The following JCAD variants were observed in gnomAD, a reference collection of about 807,000 sequenced individuals.
JCAD encodes the protein junctional cadherin 5-associated protein.
Under a neutral mutation model 98.0 loss-of-function variants are expected in JCAD, and 40 were observed. That is an observed-to-expected ratio of 0.41 (90% CI 0.32 to 0.53). The LOEUF is 0.53. Ranked by LOEUF, JCAD falls within the 20% of genes least tolerant of loss-of-function variation. The pLI is 0.31. For synonymous variants in JCAD, 691 were observed against 682.3 expected (o/e 1.01, Z -0.20); for missense variants, 1,705 against 1,738.1 (o/e 0.98, Z 0.34).
At chr10:30,046,074 G>A (rs1188667418) in intron 2 of JCAD, among the ~76,000 whole-genome samples, 2 of 152,158 alleles carry the variant, frequency 1.3e-5, no homozygotes, top group East Asian at 3.8e-4. Flanking sequence ...CTTAAAGAAA[G>A]GTCCCTGATT....
In JCAD at chr10:30,026,579, TCAGGGA is replaced by T; in HGVS notation, c.3563_3568del (p.Val1188_Pro1189del). The T allele has an allele frequency of 6.2e-7, 1 of 1,614,138 alleles. No homozygotes were observed. Among genetic ancestry groups the T allele is most frequent in the Non-Finnish European group, 8.5e-7 (1 of 1,180,026 alleles). ...GGACTCCAAGGGGCTGGGCTCAGGC[TCAGGGA>T]CAGGGTCTGTGCTGGTGACAACCCC... On this transcript the variant is annotated inframe_deletion, in exon 3 of 4. Transcript: ENST00000375377.
Position 30,027,315 on chromosome 10 carries a change from A to G in JCAD, c.2833T>C (p.Phe945Leu), listed in dbSNP as rs1388377048. 1 of 1,613,872 alleles carries G rather than the reference A, an allele frequency of 6.2e-7. No individual in the cohort carries two copies. Among genetic ancestry groups the G allele is most frequent in the Admixed American group, 1.7e-5 (1 of 60,028 alleles). ...FRVEEGGGAP[F>L]CSADGSTSAE... The stretch of plus-strand genomic sequence containing the variant: ...CTCGTGCTTCCATCTGCTGAGCAGA[A>G]AGGTGCACCGCCACCTTCTTCCACG... The change falls in exon 3 of 4, where the codon TTC (phenylalanine) becomes CTC (leucine). Residue 945 changes from phenylalanine to leucine, a missense_variant. Physicochemically the swap from Phe to Leu is conservative, Grantham distance 22. Transcript: ENST00000375377.
intron 2 of JCAD, among the ~76,000 whole-genome samples, chr10:30,045,722 G>A (rs745367863): frequency 6.6e-6 from 1 of 152,176 alleles, no homozygotes; most frequent in African/African-American, 2.4e-5. Context: ...GAGTTCTGAA[G>A]CACAAGGTGA....
chr10:30,030,439 A>G (rs1483073158), intron 2 of JCAD, among the ~76,000 whole-genome samples: 1 of 152,122 alleles, frequency 6.6e-6, no homozygotes, highest in East Asian at 1.9e-4. Flanking sequence ...ACCCTGCCTC[A>G]TAAGGAAAAA....
At chr10:30,093,806 C>T (rs941806109) in intron 1 of JCAD, among the ~76,000 whole-genome samples, 1 of 152,128 alleles carries the variant, frequency 6.6e-6, no homozygotes, top group Admixed American at 6.6e-5. Context: ...GAGTCTAGCT[C>T]AGAGATTCAG....
chr10:30,047,945 GT>G, intron 1 of JCAD, 74 bp from the exon 2 acceptor site: 1 of 887,886 alleles, frequency 1.1e-6, no homozygotes, highest in Non-Finnish European at 1.7e-6. Context: ...TCCTCCCGTG[GT>G]CCCCCCACCA....
At chr10:30,049,188 G>A (rs147299855) in intron 1 of JCAD, among the ~76,000 whole-genome samples, 166 of 152,280 alleles carry the variant, frequency 1.1e-3, no homozygotes, top group Middle Eastern at 3.4e-3. Flanking sequence ...CTGCTTCTAC[G>A]GGGGCTGATG....
chr10:30,029,681 A>C lies in JCAD; in HGVS notation c.467T>G (p.Val156Gly), dbSNP rs368913834. The stretch of plus-strand genomic sequence containing the variant: ...CATCACATGCTCTGACCTTCCTCCA[A>C]CTTCCCATGGACCCTCCCTCACGTG... ...PVHVREGPWE[V>G]GGRSEHVMKK... is the part of the protein sequence containing the mutation. The change falls in exon 3 of 4, where the codon GTT (valine) becomes GGT (glycine). Residue 156 changes from valine to glycine, a missense_variant. By Grantham distance (109) the Val-to-Gly change is moderately radical. Coordinates refer to ENST00000375377, the MANE Select transcript of JCAD (RefSeq NM_020848.4). The C allele has an allele frequency of 1.9e-6, 3 of 1,613,810 alleles. No homozygotes were observed. Among genetic ancestry groups the C allele is most frequent in the East Asian group, 4.5e-5 (2 of 44,856 alleles).
rs149940300 is a variant in JCAD, at chr10:30,018,756, A to AT, written c.4046-840dup. Among the ~76,000 whole-genome samples the AT allele has an allele frequency of 4.3e-3, 662 of 152,190 alleles. 5 individuals carry two copies. Among genetic ancestry groups the AT allele is most frequent in the Non-Finnish European group, 6.8e-3 (462 of 67,994 alleles). The stretch of plus-strand genomic sequence containing the variant: ...TCACACGTGCGCCTCCTGTGGTAAG[A>AT]TTTTCCTGCCATAGCAGCTCAAAGG... On this transcript the variant is annotated intron_variant, in intron 3 of 3. Coordinates refer to ENST00000375377, the MANE Select transcript of JCAD (RefSeq NM_020848.4).
intron 2 of JCAD, among the ~76,000 whole-genome samples, chr10:30,040,570 C>T (rs1443710201): frequency 2.6e-5 from 4 of 152,148 alleles, no homozygotes; most frequent in Non-Finnish European, 4.4e-5. Flanking sequence ...ATGGAGTATT[C>T]GCGGTGCCTC....
chr10:30,093,037 A>C (rs1285407374), intron 1 of JCAD, among the ~76,000 whole-genome samples: 2 of 152,202 alleles, frequency 1.3e-5, no homozygotes. Flanking sequence ...TTTGGGATAA[A>C]TTTTAAAATA....
intron 1 of JCAD, among the ~76,000 whole-genome samples, chr10:30,106,296 T>A (rs750794441): frequency 7.9e-5 from 12 of 151,942 alleles, no homozygotes; most frequent in Non-Finnish European, 1.3e-4. Flanking sequence ...CTGGGCATGA[T>A]GGTGTGTGCC....
chr10:30,075,032 C>A (rs571954251), intron 1 of JCAD, among the ~76,000 whole-genome samples: 99 of 152,312 alleles, frequency 6.5e-4, no homozygotes, highest in African/African-American at 2.2e-3. Context: ...CTCAAGTGAT[C>A]CCCTGTCTCA....
At chr10:30,022,940 CAACTTCCAG>C (rs1836696242) in intron 3 of JCAD, among the ~76,000 whole-genome samples, 1 of 152,164 alleles carries the variant, frequency 6.6e-6, no homozygotes. Context: ...TTGCCCAGAG[CAACTTCCAG>C]TCCTGCAAGC....
At chr10:30,031,481 G>A (rs1253289127) in intron 2 of JCAD, among the ~76,000 whole-genome samples, 3 of 126,982 alleles carry the variant, frequency 2.4e-5, no homozygotes, top group Non-Finnish European at 3.1e-5. Context: ...TCTCGCTTTC[G>A]CCCAGGCTGG....
intron 3 of JCAD, among the ~76,000 whole-genome samples, chr10:30,021,976 A>T (rs1334616047): frequency 6.6e-6 from 1 of 152,154 alleles, no homozygotes; most frequent in Non-Finnish European, 1.5e-5. Flanking sequence ...CCTCACACAG[A>T]TATCTCTTCT....
At chr10:30,019,551 T>A (rs868344575) in intron 3 of JCAD, among the ~76,000 whole-genome samples, 55 of 141,360 alleles carry the variant, frequency 3.9e-4, no homozygotes, top group Middle Eastern at 7.4e-3. Context: ...TGGAATCATT[T>A]AAAAAAAAAA....
intron 2 of JCAD, among the ~76,000 whole-genome samples, chr10:30,036,182 G>A (rs1837106010): frequency 6.6e-6 from 1 of 152,132 alleles, no homozygotes; most frequent in East Asian, 1.9e-4. Context: ...AGTGGCTCAC[G>A]CCTATAATCC....
In JCAD at chr10:30,027,442, A is replaced by AG; in HGVS notation, c.2705dup (p.Val903CysfsTer3). The AG allele has an allele frequency of 6.2e-7, 1 of 1,604,568 alleles. No homozygotes were observed. Among genetic ancestry groups the AG allele is most frequent in the Non-Finnish European group, 8.5e-7 (1 of 1,179,974 alleles). ...TCTCACCTCTTCCCGACCTACACAC[A>AG]GGGCTCTCCGGCACCCACATCCTCG... On this transcript the variant is annotated frameshift_variant, in exon 3 of 4. Coordinates refer to ENST00000375377, the MANE Select transcript of JCAD (RefSeq NM_020848.4). LOFTEE classifies it high-confidence loss of function.
Sources: allele counts gnomAD v4.1 joint callset (sites outside exome capture counted in the v4.1 genomes callset), GRCh38; gene constraint gnomAD v4.1.1; transcripts MANE v1.5; gene names NCBI Gene and HGNC (gene_info 2026-07-23, HGNC 2026-07-21).